Variants in PDS5A observed in about 807,000 individuals in gnomAD.
The protein encoded by PDS5A is PDS5 cohesin associated factor A.
Under a neutral mutation model 167.1 loss-of-function variants are expected in PDS5A, and 42 were observed. The ratio of observed to expected loss-of-function variants is 0.25; its 90% confidence interval spans 0.20 to 0.33. The LOEUF is 0.33. Ranked by LOEUF, PDS5A falls within the 10% of genes least tolerant of loss-of-function variation. PDS5A has a pLI of 1.00. For missense variants in PDS5A, 1,033 were observed against 1,605.9 expected (o/e 0.64, Z 6.10); for synonymous variants, 553 against 554.6 (o/e 1.00, Z 0.04).
chr4:39,880,649 A>T (rs1720852183), intron 17 of PDS5A, among the ~76,000 whole-genome samples: 1 of 152,172 alleles, frequency 6.6e-6, no homozygotes, highest in African/African-American at 2.4e-5. Flanking sequence ...TAGGATGCAG[A>T]TGTTGAAATT....
chr4:39,864,130 A>AAAAAAAC (rs546147030), intron 23 of PDS5A, among the ~76,000 whole-genome samples: 33 of 152,126 alleles, frequency 2.2e-4, no homozygotes, highest in Middle Eastern at 6.8e-3. Context: ...CTCTGTCTCA[A>AAAAAAAC]AAAAAACAAA....
chr4:39,932,438 G>T, intron 2 of PDS5A: 1 of 196,816 alleles, frequency 5.1e-6, no homozygotes, highest in South Asian at 1.2e-4. Context: ...AAGCAAAGTA[G>T]AGCTTCATAA....
intron 22 of PDS5A, among the ~76,000 whole-genome samples, chr4:39,868,511 T>C (rs562933512): frequency 6.6e-6 from 1 of 152,300 alleles, no homozygotes; most frequent in East Asian, 1.9e-4. Flanking sequence ...GTATTTTTAG[T>C]AGACAAGGGG....
At chr4:39,922,821 T>G in intron 5 of PDS5A, 73 bp from the exon 6 acceptor site, 1 of 1,353,212 alleles carries the variant, frequency 7.4e-7, no homozygotes, top group Non-Finnish European at 9.6e-7. Flanking sequence ...TAATAGGAAA[T>G]TAAACGTCCT....
At chr4:39,843,494 G>A (rs996599712) in intron 30 of PDS5A, among the ~76,000 whole-genome samples, 1 of 152,132 alleles carries the variant, frequency 6.6e-6, no homozygotes, top group Non-Finnish European at 1.5e-5. Flanking sequence ...AGCACTTTGG[G>A]AGTCCAAGGT....
chr4:39,842,462 G>C (rs537969578), intron 30 of PDS5A, among the ~76,000 whole-genome samples: 1 of 152,254 alleles, frequency 6.6e-6, no homozygotes, highest in African/African-American at 2.4e-5. Context: ...GCTGTCAGAA[G>C]AGGCTATTTG....
At chr4:39,875,744 A>G (rs1720407873) in intron 19 of PDS5A, among the ~76,000 whole-genome samples, 1 of 152,152 alleles carries the variant, frequency 6.6e-6, no homozygotes, top group East Asian at 1.9e-4. Flanking sequence ...TAAATGGAAG[A>G]TGTCTTTCCT....
intron 2 of PDS5A, among the ~76,000 whole-genome samples, chr4:39,934,196 C>A (rs886395910): frequency 1.3e-5 from 2 of 152,122 alleles, no homozygotes; most frequent in African/African-American, 4.8e-5. Context: ...GATTTTCCCA[C>A]CTTTCTGATT....
intron 28 of PDS5A, chr4:39,847,809 C>G (rs1032971453): frequency 5.3e-5 from 8 of 152,154 alleles, no homozygotes; most frequent in African/African-American, 1.9e-4. Flanking sequence ...TTGGAGAATT[C>G]TCTAAGCTAG....
At chr4:39,878,595 TCAAA>T (rs1265209924) in intron 18 of PDS5A, among the ~76,000 whole-genome samples, 5 of 151,862 alleles carry the variant, frequency 3.3e-5, no homozygotes, top group African/African-American at 1.2e-4. Context: ...AGACTCCATC[TCAAA>T]CAAACAAACA....
intron 10 of PDS5A, among the ~76,000 whole-genome samples, chr4:39,909,040 A>AAAAATAAATAAAATAAAAT (rs1723641503): frequency 7.9e-6 from 1 of 126,024 alleles, no homozygotes; most frequent in Non-Finnish European, 1.7e-5. Context: ...CCCTGTATCA[A>AAAAATAAATAAAATAAAAT]AAAATAAAAT....
intron 30 of PDS5A, among the ~76,000 whole-genome samples, chr4:39,843,830 T>C (rs1220467001): frequency 6.6e-6 from 1 of 152,100 alleles, no homozygotes; most frequent in African/African-American, 2.4e-5. Context: ...GTGCAGTACA[T>C]TCTTGATTTC....
rs753639268 is a variant in PDS5A, at chr4:39,976,569, G to C, written c.9C>G (p.Phe3Leu). The C allele has an allele frequency of 6.2e-7, 1 of 1,611,670 alleles. No homozygotes were observed. Among genetic ancestry groups the C allele is most frequent in the South Asian group, 1.1e-5 (1 of 90,888 alleles). Residue 3 changes from phenylalanine to leucine, a missense_variant, in exon 2 of 33, where the codon TTC (phenylalanine) becomes TTG (leucine). Phe to Leu is a conservative substitution (Grantham distance 22). Transcript: ENST00000303538. Reference protein sequence around the residue: MDFTAQPKPATAL... With the variant: MDLTAQPKPATAL... ...CAGTGGCAGGCTTGGGCTGCGCGGT[G>C]AAGTCCATCCTGGGGGACAACTTTT...
At chr4:39,891,734 T>C (rs1423996807) in intron 16 of PDS5A, among the ~76,000 whole-genome samples, 1 of 152,078 alleles carries the variant, frequency 6.6e-6, no homozygotes, top group African/African-American at 2.4e-5. Context: ...GGAGGATAAA[T>C]GAGAACTCTG....
intron 26 of PDS5A, among the ~76,000 whole-genome samples, chr4:39,861,035 G>GC (rs1161557940): frequency 1.3e-5 from 2 of 151,082 alleles, no homozygotes; most frequent in African/African-American, 4.9e-5. Flanking sequence ...CTGCACTTCA[G>GC]CCCGGGGGAT....
intron 2 of PDS5A, among the ~76,000 whole-genome samples, chr4:39,939,869 G>C (rs1727062599): frequency 6.6e-6 from 1 of 152,110 alleles, no homozygotes; most frequent in Non-Finnish European, 1.5e-5. Context: ...TAATACTTTG[G>C]ATATATTTAA....
intron 2 of PDS5A, among the ~76,000 whole-genome samples, chr4:39,937,279 T>C (rs1414073334): frequency 6.6e-6 from 1 of 152,146 alleles, no homozygotes; most frequent in Non-Finnish European, 1.5e-5. Context: ...ACTTGGGAAA[T>C]TCCAAGGGTT....
intron 2 of PDS5A, chr4:39,973,954 C>G: frequency 5.7e-6 from 3 of 523,364 alleles, no homozygotes; most frequent in Non-Finnish European, 1.1e-5. Flanking sequence ...TGAAACCCGT[C>G]TCTACTAAAA....
chr4:39,862,929 A>G lies in PDS5A; in HGVS notation c.2911T>C (p.Cys971Arg). The G allele has an allele frequency of 6.2e-7, 1 of 1,613,326 alleles. No individual in the cohort carries two copies. The highest frequency in any genetic ancestry group is 1.1e-5 in the South Asian group (1 of 91,086). Residue 971 changes from cysteine (C) to arginine (R), a missense_variant, in exon 25 of 33, where the codon TGT becomes CGT. By Grantham distance (180) the Cys-to-Arg change is radical. Transcript: ENST00000303538. Reference protein sequence around the residue: ...VKERRAHARQCLLKNISIRRE... With the variant: ...VKERRAHARQRLLKNISIRRE... Reference sequence around the variant, plus strand: ...CGTATACTGATATTTTTCAGTAAACATTGTCGTGCGTGTGCTCTTCTCTCC... The same window carrying G: ...CGTATACTGATATTTTTCAGTAAACGTTGTCGTGCGTGTGCTCTTCTCTCC...
Sources: gnomAD v4.1 joint callset for allele counts (sites outside exome capture counted in the v4.1 genomes callset) on GRCh38, gnomAD v4.1.1 for gene constraint, MANE v1.5 for transcripts, NCBI Gene and HGNC (gene_info 2026-07-23, HGNC 2026-07-21) for gene names.